The following CCDC178 variants were observed in gnomAD, a reference collection of about 807,000 sequenced individuals.
CCDC178 encodes coiled-coil domain containing 178, also known as coiled-coil domain-containing protein 178.
Under a neutral mutation model 117.4 loss-of-function variants are expected in CCDC178, and 126 were observed. That is an observed-to-expected ratio of 1.07 (90% confidence interval 0.93 to 1.24). CCDC178 has a LOEUF of 1.24. Ranked by LOEUF, CCDC178 falls within the 50% of genes most tolerant of loss-of-function variation. The pLI is 0.00. For synonymous variants in CCDC178, 283 were observed against 313.4 expected (o/e 0.90, Z 1.02); for missense variants, 1,030 against 986.9 (o/e 1.04, Z -0.59).
intron 20 of CCDC178, among the ~76,000 whole-genome samples, chr18:33,167,950 T>C (rs2058553347): frequency 6.6e-6 from 1 of 152,098 alleles, no homozygotes; most frequent in Non-Finnish European, 1.5e-5. Flanking sequence ...GGTATTTTTT[T>C]CTTGTATTTA....
At chr18:33,159,641 C>T (rs905952915) in intron 20 of CCDC178, among the ~76,000 whole-genome samples, 12 of 151,984 alleles carry the variant, frequency 7.9e-5, no homozygotes, top group African/African-American at 2.4e-4. Flanking sequence ...CAAATAGATC[C>T]GGGTAATCCC....
At chr18:33,393,176 ACCT>A (rs2063584626) in intron 4 of CCDC178, among the ~76,000 whole-genome samples, 1 of 152,154 alleles carries the variant, frequency 6.6e-6, no homozygotes, top group African/African-American at 2.4e-5. Flanking sequence ...GATCCTTTAT[ACCT>A]ATGAGAATAT....
At chr18:32,975,761 A>T (rs528488697) in intron 21 of CCDC178, among the ~76,000 whole-genome samples, 48 of 152,228 alleles carry the variant, frequency 3.2e-4, no homozygotes, top group African/African-American at 1.1e-3. Flanking sequence ...ATCCAAACAT[A>T]TAATATCAAA....
chr18:33,354,806 G>T (rs192657232), intron 7 of CCDC178, among the ~76,000 whole-genome samples: 1 of 151,900 alleles, frequency 6.6e-6, no homozygotes, highest in African/African-American at 2.4e-5. Context: ...GTAAAGACGG[G>T]GTTTCACCAT....
chr18:33,379,992 A>G (rs2063421022), intron 5 of CCDC178, among the ~76,000 whole-genome samples: 1 of 152,118 alleles, frequency 6.6e-6, no homozygotes. Flanking sequence ...ACCACAATGT[A>G]TATCTATAAA....
chr18:33,101,173 G>C (rs2057620775), intron 20 of CCDC178, among the ~76,000 whole-genome samples: 1 of 151,388 alleles, frequency 6.6e-6, no homozygotes, highest in African/African-American at 2.4e-5. Flanking sequence ...AAGAGTGTTA[G>C]AAACATATTT....
At chr18:33,380,744 A>G (rs2063429643) in intron 5 of CCDC178, among the ~76,000 whole-genome samples, 1 of 152,190 alleles carries the variant, frequency 6.6e-6, no homozygotes, top group East Asian at 1.9e-4. Flanking sequence ...TTCCTTCTTG[A>G]ATTAACGCTC....
intron 20 of CCDC178, among the ~76,000 whole-genome samples, chr18:33,112,176 G>GT (rs1018883034): frequency 2.0e-5 from 3 of 151,614 alleles, no homozygotes; most frequent in Non-Finnish European, 4.4e-5. Flanking sequence ...AAAAATCATA[G>GT]TTTTTTATAT....
At chr18:33,379,425 T>G (rs1190794204) in intron 5 of CCDC178, among the ~76,000 whole-genome samples, 1 of 151,870 alleles carries the variant, frequency 6.6e-6, no homozygotes, top group Non-Finnish European at 1.5e-5. Flanking sequence ...ATACACTTGA[T>G]TCTTGTTTAC....
intron 7 of CCDC178, among the ~76,000 whole-genome samples, chr18:33,354,533 C>G (rs1189061899): frequency 1.3e-5 from 2 of 151,668 alleles, no homozygotes; most frequent in East Asian, 3.9e-4. Context: ...ACTGATTATT[C>G]TGACTGCTCA....
intron 12 of CCDC178, among the ~76,000 whole-genome samples, chr18:33,273,361 T>C (rs1440964098): frequency 6.6e-6 from 1 of 151,566 alleles, no homozygotes; most frequent in Non-Finnish European, 1.5e-5. Flanking sequence ...CACTGAAAAT[T>C]ACAACACATA....
At chr18:33,430,494 G>C (rs548399013) in intron 2 of CCDC178, among the ~76,000 whole-genome samples, 58 of 152,302 alleles carry the variant, frequency 3.8e-4, no homozygotes, top group African/African-American at 4.8e-4. Flanking sequence ...ATGGAATGTA[G>C]AGTAGATCTT....
At chr18:33,175,229 C>T (rs186914228) in intron 20 of CCDC178, among the ~76,000 whole-genome samples, 192 of 152,196 alleles carry the variant, frequency 1.3e-3, no homozygotes, top group African/African-American at 4.3e-3. Context: ...AGAATAGAAG[C>T]ATTAACACAA....
At chr18:33,416,283 C>T (rs913191512) in intron 2 of CCDC178, among the ~76,000 whole-genome samples, 2 of 151,994 alleles carry the variant, frequency 1.3e-5, no homozygotes, top group African/African-American at 2.4e-5. Flanking sequence ...AAAAATTAGC[C>T]GGGCGTGGTG....
At chr18:33,155,860 T>G (rs949021725) in intron 20 of CCDC178, among the ~76,000 whole-genome samples, 1 of 152,072 alleles carries the variant, frequency 6.6e-6, no homozygotes, top group African/African-American at 2.4e-5. Flanking sequence ...CTGGGGGTAT[T>G]TCATGGTGGT....
In CCDC178 at chr18:33,159,606, T is replaced by C. The variant is rs575069556; in HGVS notation, c.2238+52290A>G. On this transcript the variant is annotated intron_variant, in intron 20 of 22. Transcript: ENST00000383096. Reference sequence around the variant, plus strand: ...TCTGTGCCTCTCTCTTATAAGGACATTTGTTATTACATTTTGGGCCTGCTC... The same window carrying C: ...TCTGTGCCTCTCTCTTATAAGGACACTTGTTATTACATTTTGGGCCTGCTC... Among the ~76,000 whole-genome samples, 399 of 152,202 alleles carry C rather than the reference T, an allele frequency of 2.6e-3. 1 individual carries two copies. Among genetic ancestry groups the C allele is most frequent in the African/African-American group, 9.0e-3 (374 of 41,576 alleles).
At chr18:33,163,148 C>T (rs1287044998) in intron 20 of CCDC178, among the ~76,000 whole-genome samples, 1 of 152,124 alleles carries the variant, frequency 6.6e-6, no homozygotes, top group Non-Finnish European at 1.5e-5. Context: ...GATGGTATCT[C>T]ACTGTCGTTT....
intron 21 of CCDC178, among the ~76,000 whole-genome samples, chr18:33,057,570 C>A (rs112758250): frequency 0.014 from 2,184 of 152,238 alleles, 56 homozygotes; most frequent in African/African-American, 0.049. Flanking sequence ...GGGCTCACTG[C>A]AACCTCTGCC....
At chr18:32,950,891 C>T (rs1233665758) in intron 22 of CCDC178, among the ~76,000 whole-genome samples, 2 of 152,196 alleles carry the variant, frequency 1.3e-5, no homozygotes, top group Admixed American at 6.5e-5. Flanking sequence ...TCCTATGTTA[C>T]AGCTGAATAC....
Sources: allele counts gnomAD v4.1 joint callset (sites outside exome capture counted in the v4.1 genomes callset), GRCh38; gene constraint gnomAD v4.1.1; transcripts MANE v1.5; gene names NCBI Gene and HGNC (gene_info 2026-07-23, HGNC 2026-07-21).